TSHR: variants seen among roughly 807,000 people sequenced by gnomAD.
The protein encoded by TSHR is thyroid stimulating hormone receptor.
In TSHR, 51 loss-of-function variants were observed where a neutral mutation model predicts 64.1. The ratio of observed to expected loss-of-function variants is 0.80; its 90% CI spans 0.64 to 1.01. The LOEUF (loss-of-function observed/expected upper bound fraction) is 1.01. TSHR is among the 50% of genes least tolerant of loss of function. TSHR has a pLI of 0.00. For synonymous variants in TSHR, 361 were observed against 361.9 expected (o/e 1.00, Z 0.03); for missense variants, 877 against 942.8 (o/e 0.93, Z 0.91).
intron 4 of TSHR, among the ~76,000 whole-genome samples, chr14:81,089,834 C>G (rs1191992673): frequency 6.6e-6 from 1 of 152,176 alleles, no homozygotes; most frequent in Admixed American, 6.5e-5. Context: ...TCTCACCTCT[C>G]TCCTTTGTTA....
At chr14:80,987,374 C>T (rs930072113) in intron 1 of TSHR, among the ~76,000 whole-genome samples, 5 of 152,176 alleles carry the variant, frequency 3.3e-5, no homozygotes, top group East Asian at 1.9e-4. Context: ...GATTACTTCC[C>T]GGTGACTCCC....
At chr14:81,107,581 T>C (rs2140028011) in intron 7 of TSHR, among the ~76,000 whole-genome samples, 1 of 152,262 alleles carries the variant, frequency 6.6e-6, no homozygotes, top group South Asian at 2.1e-4. Flanking sequence ...TCCAAAAACA[T>C]TTTACCCTCT....
chr14:81,114,580 C>T (rs1013950677), intron 8 of TSHR, among the ~76,000 whole-genome samples: 8 of 152,174 alleles, frequency 5.3e-5, no homozygotes, highest in Non-Finnish European at 1.2e-4. Flanking sequence ...GATCAAACTG[C>T]AAGGCGGCAG....
chr14:81,038,190 T>C (rs1323668307), intron 1 of TSHR, among the ~76,000 whole-genome samples: 1 of 151,900 alleles, frequency 6.6e-6, no homozygotes, highest in Non-Finnish European at 1.5e-5. Flanking sequence ...ATTTTGGAAA[T>C]CGTGCAAATA....
At chr14:81,118,856 C>G (rs1595144515) in intron 8 of TSHR, among the ~76,000 whole-genome samples, 1 of 150,276 alleles carries the variant, frequency 6.7e-6, no homozygotes, top group Admixed American at 6.6e-5. Context: ...CAGAACAGAG[C>G]CCTCAGAAAT....
chr14:81,047,938 G>A (rs113481248), intron 1 of TSHR, among the ~76,000 whole-genome samples: 2,791 of 152,058 alleles, frequency 0.018, 83 homozygotes, highest in African/African-American at 0.064. Flanking sequence ...GAGCCACCGC[G>A]CCCGGCCTGT....
chr14:81,082,829 G>A (rs763803857), intron 3 of TSHR, among the ~76,000 whole-genome samples: 1 of 152,140 alleles, frequency 6.6e-6, no homozygotes. Flanking sequence ...TTTTGCAGAT[G>A]AAATGCAAAG....
intron 4 of TSHR, 94 bp from the exon 5 acceptor site, chr14:81,090,975 C>A: frequency 9.2e-7 from 1 of 1,084,118 alleles, no homozygotes; most frequent in Non-Finnish European, 1.4e-6. Context: ...TCTTCAGAAC[C>A]CATGCTTTCA....
chr14:81,065,081 GAGGGAAAC>G (rs1291002876), intron 2 of TSHR, among the ~76,000 whole-genome samples: 1 of 152,112 alleles, frequency 6.6e-6, no homozygotes, highest in Non-Finnish European at 1.5e-5. Flanking sequence ...AAGAGGAAAA[GAGGGAAAC>G]AGGGACTCTC....
intron 8 of TSHR, among the ~76,000 whole-genome samples, chr14:81,135,740 A>G (rs532305946): frequency 6.6e-6 from 1 of 152,342 alleles, no homozygotes; most frequent in African/African-American, 2.4e-5. Flanking sequence ...TCAAGGCAAG[A>G]ATCATTCTAT....
At chr14:81,073,021 A>AATATAT (rs60115249) in intron 3 of TSHR, among the ~76,000 whole-genome samples, 2 of 48,566 alleles carry the variant, frequency 4.1e-5, no homozygotes, top group East Asian at 4.9e-4. Context: ...ATAAAAAATA[A>AATATAT]ATATATATAT....
intron 1 of TSHR, chr14:80,995,722 T>C (rs1279796268): frequency 6.6e-6 from 1 of 151,694 alleles, no homozygotes; most frequent in Non-Finnish European, 1.5e-5. Flanking sequence ...AAACGACTAA[T>C]GGGTACTAGG....
Position 81,103,892 on chromosome 14 carries a change from A to G in TSHR, c.615-4483A>G. On this transcript the variant is annotated intron_variant, in intron 7 of 9. Transcript: ENST00000298171. The surrounding 1 kb of genome is among the most constrained non-coding windows in gnomAD (Gnocchi z 4.1). ...AGTAAACATTTAGGCAGGAATAAAA[A>G]TACCATTTTGATATGCTAAGAGCCC... is the stretch of plus-strand genomic sequence containing the variant. 3.0e-6 allele frequency: 3 copies of G among 985,480 alleles called. No individual in the cohort carries two copies. Among genetic ancestry groups the G allele is most frequent in the Non-Finnish European group, 3.6e-6 (3 of 829,940 alleles). The allele number at this position is 985,480 out of a possible 1,614,324, so 61.0% of individuals were successfully genotyped here.
intron 8 of TSHR, among the ~76,000 whole-genome samples, chr14:81,129,413 A>T (rs555174096): frequency 1.3e-5 from 2 of 152,172 alleles, no homozygotes; most frequent in South Asian, 4.1e-4. Context: ...TCTCTGTCTC[A>T]TCAGCCTCTT....
At chr14:81,001,601 T>G in intron 1 of TSHR, 1 of 524,552 alleles carries the variant, frequency 1.9e-6, no homozygotes, top group Non-Finnish European at 3.8e-6. Flanking sequence ...CACTACCAAC[T>G]CCCCCATTGT....
intron 3 of TSHR, among the ~76,000 whole-genome samples, chr14:81,081,413 T>G (rs1386684728): frequency 6.6e-6 from 1 of 152,104 alleles, no homozygotes; most frequent in East Asian, 1.9e-4. Flanking sequence ...GAGTGAAGTA[T>G]GGGGGAGGGG....
chr14:81,084,538 T>G (rs1298063597), intron 3 of TSHR, among the ~76,000 whole-genome samples: 1 of 152,186 alleles, frequency 6.6e-6, no homozygotes, highest in Non-Finnish European at 1.5e-5. Flanking sequence ...GTAACAGCCC[T>G]TAGTGAGTGA....
chr14:80,982,300 G>A (rs1888212774), intron 1 of TSHR: 4 of 945,392 alleles, frequency 4.2e-6, no homozygotes, highest in Non-Finnish European at 6.3e-6. Flanking sequence ...TAAAAATGGG[G>A]CTGGTATTGA....
intron 8 of TSHR, among the ~76,000 whole-genome samples, chr14:81,112,958 A>G (rs1036509612): frequency 1.3e-5 from 2 of 152,214 alleles, no homozygotes; most frequent in Non-Finnish European, 2.9e-5. Flanking sequence ...CAACTTGCAG[A>G]TGGTCTTAGA....
Sources: allele counts gnomAD v4.1 joint callset (sites outside exome capture counted in the v4.1 genomes callset), GRCh38; gene constraint gnomAD v4.1.1; non-coding constraint Gnocchi (gnomAD v3.1); transcripts MANE v1.5; gene names NCBI Gene and HGNC (gene_info 2026-07-23, HGNC 2026-07-21).